LRRC37A: variants seen among roughly 807,000 people sequenced by gnomAD.
LRRC37A encodes leucine-rich repeat-containing protein 37A.
A neutral mutation model predicts 35.4 loss-of-function variants in LRRC37A; 3 were observed. That is an observed-to-expected ratio of 0.08 (90% CI 0.04 to 0.22). LRRC37A has a LOEUF of 0.22. Among genes scored for constraint, LRRC37A ranks in the 10% least tolerant of loss-of-function variants. The pLI is 1.00. For missense variants in LRRC37A, 67 were observed against 565.3 expected, an observed-to-expected ratio of 0.12 and a Z score of 8.94; for synonymous variants, 23 against 215.0, an observed-to-expected ratio of 0.11 and a Z score of 7.81.
chr17:46,276,618 T>A, the LRRC37A span, among the ~76,000 whole-genome samples: 1 of 152,126 alleles, frequency 6.6e-6, no homozygotes, highest in Non-Finnish European at 1.5e-5. Context: ...TAAATTACAA[T>A]GGGAAAATAT....
At chr17:46,257,652 TAAAAA>T in the LRRC37A span, among the ~76,000 whole-genome samples, 1 of 135,858 alleles carries the variant, frequency 7.4e-6, no homozygotes, top group Non-Finnish European at 1.6e-5. Flanking sequence ...TGTTTCTACT[TAAAAA>T]AAAAAAAAAA....
chr17:46,260,126 C>T, the LRRC37A span: 34 of 1,445,580 alleles, frequency 2.4e-5, 1 homozygote, highest in African/African-American at 3.4e-4. Flanking sequence ...AGGCCGGGAC[C>T]CAGCGGCTGC....
chr17:46,337,483 C>T, exon 13 of LRRC37A: 1 of 783,146 alleles, frequency 1.3e-6, no homozygotes. Context: ...GTACAAACCT[C>T]TCAGTGCCAC....
chr17:46,249,133 G>A, the LRRC37A span, among the ~76,000 whole-genome samples: 1 of 151,922 alleles, frequency 6.6e-6, no homozygotes, highest in Non-Finnish European at 1.5e-5. Context: ...TGTCGGCAGG[G>A]GGTCCTGGAG....
At chr17:46,258,957 A>C in the LRRC37A span, among the ~76,000 whole-genome samples, 1 of 139,258 alleles carries the variant, frequency 7.2e-6, no homozygotes, top group Non-Finnish European at 1.5e-5. Flanking sequence ...TGACCTCGTG[A>C]TCCGCCCACC....
chr17:46,275,586 A>C, the LRRC37A span, among the ~76,000 whole-genome samples: 1 of 152,266 alleles, frequency 6.6e-6, no homozygotes, highest in Non-Finnish European at 1.5e-5. Context: ...CTATAATAAT[A>C]AAACTTTTCA....
Position 46,327,479 on chromosome 17 carries a change from G to C in LRRC37A, c.3054-913G>C, listed in dbSNP as rs1282207607. 9.3e-5 allele frequency among the ~76,000 whole-genome samples: 2 copies of C among 21,540 alleles called. 1 individual carries two copies. Among genetic ancestry groups the C allele is most frequent in the African/African-American group, 1.6e-4 (2 of 12,786 alleles). The allele number at this position is 21,540 out of a possible 152,430, so 14.1% of individuals were successfully genotyped here. A position where few individuals can be genotyped will look rare whatever the true frequency, so the allele number is the denominator to read the frequency against. ...ATGGTGGTGCAAGCCTATACTCCCA[G>C]CTACTCAGGAGGCTGAATTTGGAGG... On this transcript the variant is annotated intron_variant, in intron 7 of 13. Transcript: ENST00000320254.
At chr17:46,266,799 A>C in the LRRC37A span, among the ~76,000 whole-genome samples, 1 of 151,854 alleles carries the variant, frequency 6.6e-6, no homozygotes, top group Non-Finnish European at 1.5e-5. Context: ...ACCTTCCGTG[A>C]GGCCGCACAC....
At chr17:46,273,832 T>C in the LRRC37A span, among the ~76,000 whole-genome samples, 1 of 152,278 alleles carries the variant, frequency 6.6e-6, no homozygotes, top group East Asian at 1.9e-4. Flanking sequence ...ACAAACCCAA[T>C]CAACAAATAA....
the LRRC37A span, chr17:46,259,521 C>G: frequency 2.4e-5 from 38 of 1,605,628 alleles, no homozygotes; most frequent in Non-Finnish European, 3.2e-5. Context: ...CATGCCCATT[C>G]GGGCTGCCTG....
chr17:46,276,048 A>C, the LRRC37A span, among the ~76,000 whole-genome samples: 3 of 151,804 alleles, frequency 2.0e-5, no homozygotes, highest in Middle Eastern at 3.2e-3. Context: ...CTGCCACCAC[A>C]CCCGGCTAAT....
At chr17:46,323,783 C>T (rs1167261754) in intron 7 of LRRC37A, among the ~76,000 whole-genome samples, 2 of 102,488 alleles carry the variant, frequency 2.0e-5, no homozygotes, top group African/African-American at 6.3e-5. Context: ...TCTGCAGGTT[C>T]CTCATCCATA....
At chr17:46,276,142 C>T in the LRRC37A span, among the ~76,000 whole-genome samples, 4 of 152,316 alleles carry the variant, frequency 2.6e-5, no homozygotes, top group East Asian at 1.9e-4. Flanking sequence ...CCGCCCGCCT[C>T]GGCCTCCCAA....
At chr17:46,274,783 CTT>C in the LRRC37A span, 8,551 of 144,914 alleles carry the variant, frequency 0.059, 1 homozygote, top group Middle Eastern at 0.1. Context: ...CTTTCTTTTT[CTT>C]TTTTTTTTTT....
the LRRC37A span, among the ~76,000 whole-genome samples, chr17:46,282,014 C>CTA: frequency 6.6e-5 from 10 of 152,110 alleles, no homozygotes; most frequent in East Asian, 7.7e-4. Context: ...GCTTCCTTGC[C>CTA]TATATATATA....
At chr17:46,284,733 TG>T in the LRRC37A span, among the ~76,000 whole-genome samples, 1 of 152,260 alleles carries the variant, frequency 6.6e-6, no homozygotes, top group East Asian at 1.9e-4. Context: ...AGCTGATTAA[TG>T]ATGAGGTGGC....
At chr17:46,292,161 G>A (rs1434916960), upstream of LRRC37A, among the ~76,000 whole-genome samples, 3 of 107,948 alleles carry the variant, frequency 2.8e-5, no homozygotes, top group African/African-American at 6.0e-5. Context: ...GTGAAACCCC[G>A]TCTCTACTAA....
At chr17:46,257,408 G>A in the LRRC37A span, among the ~76,000 whole-genome samples, 16,098 of 141,066 alleles carry the variant, frequency 0.11, 1 homozygote, top group Middle Eastern at 0.18. Flanking sequence ...AGCCAAGATC[G>A]TGCCACTGCA....
intron 7 of LRRC37A, among the ~76,000 whole-genome samples, chr17:46,323,957 T>C (rs1357524419): frequency 9.8e-6 from 1 of 101,632 alleles, no homozygotes; most frequent in African/African-American, 3.2e-5. Flanking sequence ...ATACAAACAT[T>C]ATGTCATTTC....
Sources: gnomAD v4.1 joint callset for allele counts (sites outside exome capture counted in the v4.1 genomes callset) on GRCh38, gnomAD v4.1.1 for gene constraint, MANE v1.5 for transcripts, NCBI Gene and HGNC (gene_info 2026-07-23, HGNC 2026-07-21) for gene names.